The following DLGAP1 variants were observed in gnomAD, a reference collection of about 807,000 sequenced individuals.
DLGAP1 encodes the protein disks large-associated protein 1.
Under a neutral mutation model 90.8 loss-of-function variants are expected in DLGAP1, and 11 were observed. The observed-to-expected ratio is 0.12, with a 90% CI of 0.08 to 0.20. The LOEUF (loss-of-function observed/expected upper bound fraction) is 0.20. Ranked by LOEUF, DLGAP1 falls within the 10% of genes least tolerant of loss-of-function variation. The probability of loss-of-function intolerance (pLI) is 1.00; values close to 1 mark genes in which losing one functional copy is unlikely to be tolerated. For synonymous variants in DLGAP1, 558 were observed against 540.7 expected, an observed-to-expected ratio of 1.03 and a Z score of -0.44; for missense variants, 1,050 against 1,333.8, an observed-to-expected ratio of 0.79 and a Z score of 3.31.
intron 7 of DLGAP1, among the ~76,000 whole-genome samples, chr18:3,683,212 T>C (rs615916): frequency 0.26 from 39,584 of 152,030 alleles, 6,300 homozygotes; most frequent in African/African-American, 0.45. Context: ...TACTGAGTGC[T>C]CTTACTGATC....
At chr18:3,685,861 C>T (rs993743716) in intron 7 of DLGAP1, among the ~76,000 whole-genome samples, 10 of 152,204 alleles carry the variant, frequency 6.6e-5, no homozygotes, top group African/African-American at 2.4e-4. Flanking sequence ...TATAATGATA[C>T]AGTAGCAAAA....
intron 1 of DLGAP1, among the ~76,000 whole-genome samples, chr18:4,276,008 G>C (rs778618186): frequency 2.0e-5 from 3 of 151,850 alleles, no homozygotes; most frequent in Non-Finnish European, 4.4e-5. Flanking sequence ...CTGTGGCTAG[G>C]AGGAGCAGAA....
chr18:3,688,614 GACACACACACACACAC>G (rs60415611), intron 7 of DLGAP1, among the ~76,000 whole-genome samples: 75 of 100,730 alleles, frequency 7.4e-4, no homozygotes, highest in East Asian at 7.8e-4. Flanking sequence ...ATTAAAAAAA[GACACACACACACACAC>G]ACACACACAC....
intron 1 of DLGAP1, among the ~76,000 whole-genome samples, chr18:4,164,282 C>T (rs558126954): frequency 3.1e-4 from 47 of 152,196 alleles, no homozygotes; most frequent in African/African-American, 1.1e-3. Flanking sequence ...GAAACAACAA[C>T]TTGAATGAGA....
chr18:3,656,659 C>T (rs182340805), intron 7 of DLGAP1, among the ~76,000 whole-genome samples: 137 of 152,048 alleles, frequency 9.0e-4, no homozygotes, highest in African/African-American at 3.0e-3. Flanking sequence ...AGAGAGTGAA[C>T]GGGTTATCTG....
At chr18:3,829,246 T>C (rs2067899508) in intron 4 of DLGAP1, among the ~76,000 whole-genome samples, 2 of 152,218 alleles carry the variant, frequency 1.3e-5, no homozygotes. Flanking sequence ...AGACTGACTA[T>C]AAAGATAGAG....
intron 2 of DLGAP1, among the ~76,000 whole-genome samples, chr18:4,023,853 AT>A (rs1336409050): frequency 6.8e-6 from 1 of 147,296 alleles, no homozygotes; most frequent in Admixed American, 6.9e-5. Context: ...TTTTCTTTTT[AT>A]TTATTAATGT....
At chr18:3,676,608 C>T (rs2060311511) in intron 7 of DLGAP1, among the ~76,000 whole-genome samples, 1 of 152,118 alleles carries the variant, frequency 6.6e-6, no homozygotes, top group Admixed American at 6.5e-5. Flanking sequence ...CCTTCTTTCA[C>T]ACCTCTGCCT....
intron 1 of DLGAP1, among the ~76,000 whole-genome samples, chr18:4,390,849 T>C (rs1352709859): frequency 2.0e-5 from 3 of 152,148 alleles, no homozygotes; most frequent in African/African-American, 4.8e-5. Context: ...CTTTGAGATC[T>C]TTAACACTGT....
At chr18:4,126,551 T>C (rs192376053) in intron 2 of DLGAP1, among the ~76,000 whole-genome samples, 9 of 152,362 alleles carry the variant, frequency 5.9e-5, no homozygotes, top group African/African-American at 2.2e-4. Flanking sequence ...TATACACACA[T>C]ACAGGGTAAA....
intron 2 of DLGAP1, among the ~76,000 whole-genome samples, chr18:4,105,307 A>T (rs1028923834): frequency 6.6e-6 from 1 of 152,162 alleles, no homozygotes; most frequent in Non-Finnish European, 1.5e-5. Context: ...CCTCTATGCA[A>T]GTTAGCAGCA....
chr18:4,411,809 C>T (rs1371559202), intron 1 of DLGAP1, among the ~76,000 whole-genome samples: 1 of 152,096 alleles, frequency 6.6e-6, no homozygotes, highest in Non-Finnish European at 1.5e-5. Flanking sequence ...TGCTCGGGCA[C>T]CTAACAGCAT....
intron 4 of DLGAP1, among the ~76,000 whole-genome samples, chr18:3,866,099 T>C (rs115390187): frequency 0.01 from 1,535 of 152,306 alleles, 34 homozygotes; most frequent in African/African-American, 0.035. Flanking sequence ...AATTTGTCTA[T>C]CAGAGCTTAA....
At chr18:3,886,397 A>C (rs983141523) in intron 3 of DLGAP1, among the ~76,000 whole-genome samples, 3 of 152,182 alleles carry the variant, frequency 2.0e-5, no homozygotes, top group Non-Finnish European at 4.4e-5. Flanking sequence ...CATCACGTCA[A>C]ATATTTATCC....
At chr18:4,026,176 T>C (rs1046037111) in intron 2 of DLGAP1, among the ~76,000 whole-genome samples, 3 of 152,204 alleles carry the variant, frequency 2.0e-5, no homozygotes, top group African/African-American at 7.2e-5. Flanking sequence ...ACATGCAAAG[T>C]CACTAGTTAG....
At chr18:4,090,444 G>T (rs148416155) in intron 2 of DLGAP1, among the ~76,000 whole-genome samples, 1 of 152,188 alleles carries the variant, frequency 6.6e-6, no homozygotes, top group Admixed American at 6.5e-5. Flanking sequence ...GACATGTACA[G>T]ACACTTCTTC....
At chr18:4,322,160 A>T (rs2080707449) in intron 1 of DLGAP1, among the ~76,000 whole-genome samples, 1 of 152,060 alleles carries the variant, frequency 6.6e-6, no homozygotes, top group Non-Finnish European at 1.5e-5. Context: ...AGACTATGCC[A>T]TTGCACTCCA....
chr18:3,752,460 G>A (rs2063538246), intron 5 of DLGAP1, among the ~76,000 whole-genome samples: 1 of 151,668 alleles, frequency 6.6e-6, no homozygotes, highest in Non-Finnish European at 1.5e-5. Flanking sequence ...CGTGGCCTTT[G>A]GTATCTGTCT....
At chr18:4,061,883 G>A (rs1021284766) in intron 2 of DLGAP1, among the ~76,000 whole-genome samples, 1 of 152,046 alleles carries the variant, frequency 6.6e-6, no homozygotes, top group African/African-American at 2.4e-5. Context: ...TAATCCTCTT[G>A]AAAAGATGGT....
Sources: allele counts gnomAD v4.1 joint callset (sites outside exome capture counted in the v4.1 genomes callset), GRCh38; gene constraint gnomAD v4.1.1; transcripts MANE v1.5; gene names NCBI Gene and HGNC (gene_info 2026-07-23, HGNC 2026-07-21).